Variants in ALDH1L2 observed in about 807,000 individuals in gnomAD.
ALDH1L2 encodes aldehyde dehydrogenase 1 family member L2, also known as mitochondrial 10-formyltetrahydrofolate dehydrogenase.
ALDH1L2 carries 91 observed loss-of-function variants against 111.0 expected under a neutral mutation model. That is an observed-to-expected ratio of 0.82 (90% CI 0.69 to 0.98). ALDH1L2 has a LOEUF of 0.98. ALDH1L2 is among the 50% of genes least tolerant of loss of function. The probability of loss-of-function intolerance (pLI) is 0.00; values close to 1 mark genes in which losing one functional copy is unlikely to be tolerated. For synonymous variants in ALDH1L2, 374 were observed against 392.6 expected (o/e 0.95, Z 0.56); for missense variants, 995 against 1,126.8 (o/e 0.88, Z 1.67).
intron 18 of ALDH1L2, among the ~76,000 whole-genome samples, chr12:105,036,726 A>G (rs908989595): frequency 8.0e-5 from 12 of 150,842 alleles, no homozygotes; most frequent in South Asian, 2.1e-4. Context: ...TTGAAATACC[A>G]TGCTTTTCCT....
At chr12:105,070,434 C>G (rs1021356783) in intron 3 of ALDH1L2, 136 bp downstream of exon 3, 1 of 716,788 alleles carries the variant, frequency 1.4e-6, no homozygotes, top group Non-Finnish European at 2.3e-6. Context: ...ACTGGGTGTT[C>G]TGGCACAATC....
intron 8 of ALDH1L2, 108 bp downstream of exon 8, chr12:105,061,519 A>G: frequency 6.8e-7 from 1 of 1,465,522 alleles, no homozygotes. Flanking sequence ...ATACAAAAAA[A>G]GAGGAAATAA....
At chr12:105,074,484 G>C (rs796181271) in intron 1 of ALDH1L2, among the ~76,000 whole-genome samples, 3 of 111,546 alleles carry the variant, frequency 2.7e-5, no homozygotes, top group Admixed American at 1.8e-4. Flanking sequence ...AAAAAAAAAA[G>C]AAAAGAAAAA....
At chr12:105,082,654 A>G (rs1592816745) in intron 1 of ALDH1L2, among the ~76,000 whole-genome samples, 1 of 152,354 alleles carries the variant, frequency 6.6e-6, no homozygotes, top group Non-Finnish European at 1.5e-5. Flanking sequence ...TAAAACCTCT[A>G]GAAACATCAA....
At chr12:105,057,358 CA>C (rs1357229887) in intron 10 of ALDH1L2, among the ~76,000 whole-genome samples, 8 of 152,076 alleles carry the variant, frequency 5.3e-5, no homozygotes, top group Non-Finnish European at 1.0e-4. Context: ...GGCAGTTACT[CA>C]AAAAAGTTAA....
At chr12:105,068,070 C>G (rs1877481337) in intron 4 of ALDH1L2, among the ~76,000 whole-genome samples, 1 of 152,122 alleles carries the variant, frequency 6.6e-6, no homozygotes, top group Non-Finnish European at 1.5e-5. Flanking sequence ...AAGCCCTACT[C>G]TCTTAATCAT....
intron 1 of ALDH1L2, among the ~76,000 whole-genome samples, chr12:105,082,764 A>G (rs1444260751): frequency 3.9e-5 from 6 of 152,378 alleles, no homozygotes; most frequent in African/African-American, 1.2e-4. Context: ...GTTTAACTAC[A>G]TATAAAACTG....
chr12:105,027,067 A>T (rs1008440187), intron 21 of ALDH1L2, among the ~76,000 whole-genome samples: 1 of 152,196 alleles, frequency 6.6e-6, no homozygotes, highest in Non-Finnish European at 1.5e-5. Flanking sequence ...TAGAGATAGC[A>T]TCTCCCTGTG....
Position 105,068,707 on chromosome 12 carries a change from A to G in ALDH1L2, c.594+12T>C. 6.9e-7 allele frequency: 1 copy of G among 1,447,210 alleles called. No individual in the cohort carries two copies. Among genetic ancestry groups the G allele is most frequent in the Non-Finnish European group, 9.1e-7 (1 of 1,093,724 alleles). 89.6% of individuals were successfully genotyped at this position (1,447,210 alleles called of 1,614,324 possible). A position where few individuals can be genotyped will look rare whatever the true frequency, so the allele number is the denominator to read the frequency against. On this transcript the variant is annotated intron_variant, in intron 4 of 22. Transcript: ENST00000258494. Reference sequence around the variant, plus strand: ...AAGGTTTACTAAATTCTGGGTGGCAAAATATACTAACCATGGCCTTGATTC... The same window carrying G: ...AAGGTTTACTAAATTCTGGGTGGCAGAATATACTAACCATGGCCTTGATTC...
chr12:105,055,011 T>C (rs1876526287), intron 10 of ALDH1L2, among the ~76,000 whole-genome samples: 1 of 152,194 alleles, frequency 6.6e-6, no homozygotes, highest in Non-Finnish European at 1.5e-5. Context: ...TAACTGGGAA[T>C]GAGATATCCA....
chr12:105,067,244 A>AAAG (rs545424545), intron 4 of ALDH1L2, among the ~76,000 whole-genome samples: 100 of 151,936 alleles, frequency 6.6e-4, no homozygotes, highest in African/African-American at 2.2e-3. Flanking sequence ...AAGAAAAGAA[A>AAAG]AAGAAAAAGA....
chr12:105,071,874 C>T (rs1401296923), intron 2 of ALDH1L2, among the ~76,000 whole-genome samples: 1 of 149,144 alleles, frequency 6.7e-6, no homozygotes, highest in Non-Finnish European at 1.5e-5. Context: ...ACTGCTTAAA[C>T]TCAGGAGTTT....
chr12:105,055,335 C>T (rs979508895), intron 10 of ALDH1L2, among the ~76,000 whole-genome samples: 1 of 152,102 alleles, frequency 6.6e-6, no homozygotes, highest in Non-Finnish European at 1.5e-5. Context: ...ACAGAGACTT[C>T]AGTAGTGGCA....
intron 15 of ALDH1L2, 72 bp from the exon 16 acceptor site, chr12:105,040,766 C>G: frequency 8.3e-7 from 1 of 1,202,566 alleles, no homozygotes; most frequent in South Asian, 1.2e-5. Flanking sequence ...CCAGTTTTCC[C>G]TTGATAGCTG....
rs1196804090 is a variant in ALDH1L2 at position 105,021,690 on chromosome 12, CA to C, written c.*2733del. The C allele has an allele frequency of 6.6e-6, 1 of 151,930 alleles. No homozygotes were observed. The highest frequency in any genetic ancestry group is 1.9e-4 in the East Asian group (1 of 5,194). The allele number at this position is 151,930 out of a possible 1,614,324, so 9.4% of individuals were successfully genotyped here. On this transcript the variant is annotated 3_prime_UTR_variant, in exon 23 of 23. Transcript: ENST00000258494. Reference sequence around the variant, plus strand: ...TGTGAAGATTAAATAACATTTAAAACATGCTTAGCCTAAGGTCTTTCATACA... The same window carrying C: ...TGTGAAGATTAAATAACATTTAAAACTGCTTAGCCTAAGGTCTTTCATACA...
chr12:105,040,149 A>G (rs569140834), intron 16 of ALDH1L2, among the ~76,000 whole-genome samples: 43 of 145,774 alleles, frequency 2.9e-4, no homozygotes, highest in Non-Finnish European at 4.8e-4. Context: ...AAAAAAAAAA[A>G]AAACCTTACT....
chr12:105,066,500 G>C, intron 5 of ALDH1L2, 68 bp downstream of exon 5: 1 of 1,430,754 alleles, frequency 7.0e-7, no homozygotes, highest in Non-Finnish European at 9.7e-7. Context: ...ATCATAGTAT[G>C]TGGGGAACTA....
chr12:105,065,578 A>G (rs1877300251), intron 5 of ALDH1L2, among the ~76,000 whole-genome samples: 10 of 152,264 alleles, frequency 6.6e-5, no homozygotes, highest in Admixed American at 6.5e-4. Flanking sequence ...TTAAAGGGAC[A>G]GTATGCTTTG....
At chr12:105,025,711 C>A (rs1171778064) in intron 22 of ALDH1L2, among the ~76,000 whole-genome samples, 1 of 152,188 alleles carries the variant, frequency 6.6e-6, no homozygotes, top group Non-Finnish European at 1.5e-5. Flanking sequence ...ACTGTAATTT[C>A]AGTAAATCAC....
Sources: allele counts gnomAD v4.1 joint callset (sites outside exome capture counted in the v4.1 genomes callset), GRCh38; gene constraint gnomAD v4.1.1; transcripts MANE v1.5; gene names NCBI Gene and HGNC (gene_info 2026-07-23, HGNC 2026-07-21).